SLC11A2: variants seen among roughly 807,000 people sequenced by gnomAD.
The protein encoded by SLC11A2 is natural resistance-associated macrophage protein 2.
SLC11A2 carries 38 observed loss-of-function variants against 68.0 expected under a neutral mutation model. The observed-to-expected ratio is 0.56, with a 90% CI of 0.43 to 0.73. The LOEUF (loss-of-function observed/expected upper bound fraction) is 0.73. SLC11A2 is among the 30% of genes least tolerant of loss of function. The pLI is 0.00. For missense variants in SLC11A2, 517 were observed against 690.5 expected (o/e 0.75, Z 2.82); for synonymous variants, 242 against 250.6 (o/e 0.97, Z 0.32).
At chr12:51,018,406 A>G in intron 1 of SLC11A2, among the ~76,000 whole-genome samples, 1 of 151,826 alleles carries the variant, frequency 6.6e-6, no homozygotes, top group East Asian at 1.9e-4. Context: ...AAAAAAAACA[A>G]AAAACACAAA....
intron 15 of SLC11A2, 34 bp from the exon 16 acceptor site, chr12:50,988,469 C>G (rs1424753358): frequency 6.2e-7 from 1 of 1,613,198 alleles, no homozygotes; most frequent in East Asian, 2.2e-5. Context: ...ACTCACCAGG[C>G]TCTTTGAAGA....
the SLC11A2 span, among the ~76,000 whole-genome samples, chr12:50,971,026 C>A: frequency 6.6e-6 from 1 of 151,968 alleles, no homozygotes; most frequent in Non-Finnish European, 1.5e-5. Context: ...TTACAAGCAC[C>A]CACCACCACC....
downstream of SLC11A2, among the ~76,000 whole-genome samples, chr12:50,974,856 CAG>C (rs1565966428): frequency 6.6e-6 from 1 of 152,136 alleles, no homozygotes; most frequent in Non-Finnish European, 1.5e-5. Context: ...TCTGATAAAA[CAG>C]ACTTTAAACC....
At chr12:50,959,926 A>T in the SLC11A2 span, among the ~76,000 whole-genome samples, 3 of 152,244 alleles carry the variant, frequency 2.0e-5, no homozygotes, top group Non-Finnish European at 4.4e-5. Flanking sequence ...CTGGGATTAC[A>T]GGCATGAGCC....
At chr12:50,958,535 C>A in the SLC11A2 span, among the ~76,000 whole-genome samples, 2 of 151,630 alleles carry the variant, frequency 1.3e-5, no homozygotes, top group African/African-American at 4.8e-5. Context: ...CCCGCCTCGG[C>A]CTCCCAAAGT....
At chr12:51,004,673 C>T (rs1299235327) in intron 5 of SLC11A2, 115 bp downstream of exon 5, 13 of 1,128,002 alleles carry the variant, frequency 1.2e-5, no homozygotes, top group Admixed American at 1.9e-5. Context: ...GTCTTCAGGG[C>T]CACTGACCCC....
intron 1 of SLC11A2, among the ~76,000 whole-genome samples, chr12:51,011,016 T>C (rs1428460658): frequency 6.6e-6 from 1 of 152,212 alleles, no homozygotes; most frequent in Non-Finnish European, 1.5e-5. Flanking sequence ...ACAGCTCTTT[T>C]AGAATGTGTC....
the SLC11A2 span, chr12:50,954,223 A>G: frequency 1.7e-6 from 1 of 580,074 alleles, no homozygotes; most frequent in East Asian, 2.8e-5. Context: ...TCCTCTAAGC[A>G]TGTGTTGAAC....
Position 50,987,802 on chromosome 12 carries a change from A to G in SLC11A2, c.*523T>C. On this transcript the variant is annotated 3_prime_UTR_variant, in exon 16 of 16. Coordinates refer to ENST00000262052, the MANE Select transcript of SLC11A2 (RefSeq NM_000617.3). ...GCCTGATAGAGCTAGGTGTCTCTTC[A>G]TTTTATATTTCATATGGATGAAGCT... 6 of 1,270,080 alleles carry G rather than the reference A, an allele frequency of 4.7e-6. No homozygotes were observed. The highest frequency in any genetic ancestry group is 6.1e-6 in the Non-Finnish European group (6 of 982,504). The allele number at this position is 1,270,080 out of a possible 1,614,324, so 78.7% of individuals were successfully genotyped here. A position where few individuals can be genotyped will look rare whatever the true frequency, so the allele number is the denominator to read the frequency against.
chr12:50,970,109 G>A, the SLC11A2 span, among the ~76,000 whole-genome samples: 1 of 152,148 alleles, frequency 6.6e-6, no homozygotes, highest in African/African-American at 2.4e-5. Context: ...TACAAGTAGA[G>A]ACTGAATAAA....
At chr12:50,961,082 T>C in the SLC11A2 span, 4 of 1,613,798 alleles carry the variant, frequency 2.5e-6, no homozygotes, top group Admixed American at 6.7e-5. Flanking sequence ...CAAGGATTTG[T>C]TGTTGGAGCT....
the SLC11A2 span, among the ~76,000 whole-genome samples, chr12:50,962,570 G>A: frequency 6.6e-6 from 1 of 151,636 alleles, no homozygotes; most frequent in Non-Finnish European, 1.5e-5. Flanking sequence ...TGTGGCATGC[G>A]CCTGTAGTCA....
intron 14 of SLC11A2, 55 bp downstream of exon 14, chr12:50,991,544 G>T: frequency 2.1e-6 from 3 of 1,403,480 alleles, no homozygotes; most frequent in South Asian, 1.2e-5. Context: ...ACTGCATGAA[G>T]ATACCCTTTC....
At chr12:51,005,805 C>T in intron 3 of SLC11A2, 1 of 636,250 alleles carries the variant, frequency 1.6e-6, no homozygotes, top group Non-Finnish European at 2.4e-6. Context: ...AGTCCAACTA[C>T]TTGGGACACT....
At chr12:50,968,119 G>A in the SLC11A2 span, among the ~76,000 whole-genome samples, 2 of 152,044 alleles carry the variant, frequency 1.3e-5, no homozygotes, top group Non-Finnish European at 1.5e-5. Context: ...AGGAGGAGGA[G>A]GAGGAGGAGA....
chr12:50,993,191 TAAA>T (rs10529796), intron 11 of SLC11A2: 153,492 of 213,628 alleles, frequency 0.72, 51,752 homozygotes, highest in Admixed American at 0.79. Context: ...TCTTAAATAT[TAAA>T]AAAAAAAAAA....
intron 14 of SLC11A2, 140 bp from the exon 15 acceptor site, chr12:50,991,088 A>G (rs569810389): frequency 1.6e-5 from 13 of 813,958 alleles, no homozygotes; most frequent in Non-Finnish European, 2.7e-5. Flanking sequence ...ATTCTTCATA[A>G]GTCTAAGTTA....
At chr12:51,002,117 G>A (rs1166857724) in intron 5 of SLC11A2, among the ~76,000 whole-genome samples, 1 of 152,178 alleles carries the variant, frequency 6.6e-6, no homozygotes, top group Admixed American at 6.5e-5. Flanking sequence ...GGAGGCAGAG[G>A]TGGGAGGATT....
chr12:50,996,673 T>C, intron 9 of SLC11A2, 144 bp downstream of exon 9: 5 of 785,120 alleles, frequency 6.4e-6, no homozygotes, highest in Non-Finnish European at 6.6e-6. Context: ...TCTAAGTATA[T>C]GGAGTTTATA....
Sources: allele counts gnomAD v4.1 joint callset (sites outside exome capture counted in the v4.1 genomes callset), GRCh38; gene constraint gnomAD v4.1.1; transcripts MANE v1.5; gene names NCBI Gene and HGNC (gene_info 2026-07-23, HGNC 2026-07-21).